The following CDH26 variants were observed in gnomAD, a reference collection of about 807,000 sequenced individuals.
CDH26 encodes cadherin-like protein 26.
CDH26 carries 83 observed loss-of-function variants against 90.3 expected under a neutral mutation model. That is an observed-to-expected ratio of 0.92 (90% CI 0.77 to 1.10). The LOEUF is 1.10. Among genes scored for constraint, CDH26 ranks in the 50% least tolerant of loss-of-function variants. The pLI, the probability that CDH26 is intolerant of heterozygous loss-of-function variation, is 0.00. For missense variants in CDH26, 1,013 were observed against 1,037.6 expected, an observed-to-expected ratio of 0.98 and a Z score of 0.33; for synonymous variants, 397 against 396.3, an observed-to-expected ratio of 1.00 and a Z score of -0.02.
At chr20:59,973,327 A>G (rs2061287557) in intron 4 of CDH26, among the ~76,000 whole-genome samples, 1 of 152,072 alleles carries the variant, frequency 6.6e-6, no homozygotes, top group South Asian at 2.1e-4. Context: ...GGAACCAAAC[A>G]TTCAGTGCTC....
chr20:60,026,913 CA>C (rs779366801), intron 7 of CDH26, among the ~76,000 whole-genome samples: 34 of 152,214 alleles, frequency 2.2e-4, no homozygotes, highest in Admixed American at 6.5e-4. Context: ...GTGCCTGGAA[CA>C]GTGTCTGGAA....
In CDH26 at chr20:59,986,816, A is replaced by C. The variant is rs74858014; in HGVS notation, c.838-637A>C. On this transcript the variant is annotated intron_variant, in intron 7 of 17. Transcript: ENST00000348616. ...TTAGAAAAAAAACCTGTATAAACCA[A>C]AGTGAAATGTTTGCAAACCAAAGCA... Among the ~76,000 whole-genome samples, 169 of 152,226 alleles carry C rather than the reference A, an allele frequency of 1.1e-3. 2 individuals are homozygous for C. The East Asian group carries it at 0.031, about 28-fold the overall frequency.
At chr20:59,978,988 T>C (rs2061358602) in intron 4 of CDH26, among the ~76,000 whole-genome samples, 1 of 152,166 alleles carries the variant, frequency 6.6e-6, no homozygotes, top group Admixed American at 6.5e-5. Context: ...TGATGTATAG[T>C]TCTAAGAGTT....
rs1409087109 is a variant in CDH26, at chr20:59,958,451, A to G, written c.-276A>G. 2.4e-6 allele frequency: 1 copy of G among 424,806 alleles called. No individual in the cohort carries two copies. The highest frequency in any genetic ancestry group is 2.0e-5 in the African/African-American group (1 of 49,098). The allele number at this position is 424,806 out of a possible 1,614,324, so 26.3% of individuals were successfully genotyped here. Reference sequence around the variant, plus strand: ...CAGTCTTTTGTGTACGTGCAGGACCATGGTGGCTTTAGTTTCTACCCCACC... The same window carrying G: ...CAGTCTTTTGTGTACGTGCAGGACCGTGGTGGCTTTAGTTTCTACCCCACC... On this transcript the variant is annotated 5_prime_UTR_variant, in exon 1 of 18. The change abolishes an upstream ATG in the 5' untranslated region. Coordinates refer to ENST00000348616, the MANE Select transcript of CDH26 (RefSeq NM_177980.4).
intron 7 of CDH26, among the ~76,000 whole-genome samples, chr20:59,986,627 AC>A (rs2061462252): frequency 7.1e-6 from 1 of 140,354 alleles, no homozygotes; most frequent in Non-Finnish European, 1.5e-5. Flanking sequence ...ACACACACAC[AC>A]ACACACACAC....
At position 60,012,861 on chromosome 20, in the gene CDH26, C is replaced by A; in HGVS notation, c.*131C>A. 1 of 766,562 alleles carries A rather than the reference C, an allele frequency of 1.3e-6. No individual in the cohort carries two copies. Among genetic ancestry groups the A allele is most frequent in the Non-Finnish European group, 2.0e-6 (1 of 488,386 alleles). 47.5% of individuals were successfully genotyped at this position (766,562 alleles called of 1,614,324 possible). The stretch of plus-strand genomic sequence containing the variant: ...CTTCTAGTCCTAGGATGAGGACACA[C>A]TATTAGTTTGAATTAAATGCTTTGA... On this transcript the variant is annotated 3_prime_UTR_variant, in exon 18 of 18. Transcript: ENST00000348616.
In CDH26 at chr20:60,028,707, A is replaced by G. The variant is rs145086556; in HGVS notation, c.948-2524A>G. Among the ~76,000 whole-genome samples the G allele has an allele frequency of 5.1e-3, 772 of 152,310 alleles. 4 individuals are homozygous for G. Among genetic ancestry groups the G allele is most frequent in the Middle Eastern group, 0.017 (5 of 294 alleles). ...ACATGGCAAGTGAGGTTGTGGAGAC[A>G]TCTGAACCCTGGTACACTGCTGATT... On this transcript the variant is annotated intron_variant, in intron 7 of 8. Coordinates refer to the CDH26 transcript ENST00000370991.
intron 1 of CDH26, among the ~76,000 whole-genome samples, chr20:59,967,876 T>TTCTTC (rs1569024266): frequency 1.8e-5 from 1 of 54,624 alleles, no homozygotes; most frequent in African/African-American, 1.0e-4. Context: ...TTTCTTTCTT[T>TTCTTC]CTTCCTTCCT....
At chr20:60,024,047 G>T (rs527401699) in intron 7 of CDH26, among the ~76,000 whole-genome samples, 2 of 152,146 alleles carry the variant, frequency 1.3e-5, no homozygotes. Flanking sequence ...CATTAAAAAC[G>T]TGTCTTCACA....
intron 7 of CDH26, among the ~76,000 whole-genome samples, chr20:60,020,926 A>C (rs6027243): frequency 0.89 from 135,848 of 152,158 alleles, 60,799 homozygotes; most frequent in Non-Finnish European, 0.91. Flanking sequence ...CTTTTTCCTG[A>C]AATGGAAAGT....
chr20:59,988,113 G>A (rs1316697277), intron 8 of CDH26, among the ~76,000 whole-genome samples: 1 of 152,186 alleles, frequency 6.6e-6, no homozygotes, highest in Non-Finnish European at 1.5e-5. Context: ...GCCTAATGGA[G>A]AAGCTGGCCT....
At position 60,012,562 on chromosome 20, in the gene CDH26, C is replaced by T. The variant is rs747314646; in HGVS notation, c.2331C>T (p.Pro777=). 23 of 1,613,884 alleles carry T rather than the reference C, an allele frequency of 1.4e-5. No individual in the cohort carries two copies. The highest frequency in any genetic ancestry group is 5.3e-5 in the African/African-American group (4 of 74,904). ...LHVANVLEDD[P]GYLPHVYSEE... ...TTGCCAATGTGCTGGAAGATGACCC[C>T]GGCTACCTACCTCACGTCTACAGCG... The change falls in exon 18 of 18, where the codon CCC becomes CCT. Residue 777 remains proline, a synonymous_variant. Transcript: ENST00000348616.
intron 17 of CDH26, among the ~76,000 whole-genome samples, chr20:60,011,752 T>C (rs2061846044): frequency 6.6e-6 from 1 of 151,964 alleles, no homozygotes; most frequent in African/African-American, 2.4e-5. Context: ...TTGGCGAGCA[T>C]TGAGGGAGGG....
chr20:59,990,391 T>G (rs1360749525), intron 9 of CDH26, among the ~76,000 whole-genome samples: 1 of 152,096 alleles, frequency 6.6e-6, no homozygotes, highest in African/African-American at 2.4e-5. Context: ...GTCATGCCCC[T>G]TCTCTCTCCA....
intron 13 of CDH26, 73 bp from the exon 14 acceptor site, chr20:59,999,513 C>T: frequency 7.7e-7 from 1 of 1,303,654 alleles, no homozygotes; most frequent in South Asian, 1.2e-5. Context: ...AAATGTCATT[C>T]CTTTCCTTCT....
At position 59,958,796 on chromosome 20, in the gene CDH26, G is replaced by T. The variant is rs369382469; in HGVS notation, c.69+1G>T. 1 of 1,613,350 alleles carries T rather than the reference G, an allele frequency of 6.2e-7. No individual in the cohort carries two copies. Among genetic ancestry groups the T allele is most frequent in the Middle Eastern group, 1.7e-4 (1 of 6,050 alleles). On this transcript the variant is annotated splice_donor_variant, in intron 1 of 17. Coordinates refer to ENST00000348616, the MANE Select transcript of CDH26 (RefSeq NM_177980.4). LOFTEE classifies it high-confidence loss of function. ...AGTGCTGCTGCTGTGGCTGCTGCAG[G>T]TAAGCTGAGCCTGCAGCCTAGTGCT...
intron 16 of CDH26, among the ~76,000 whole-genome samples, chr20:60,003,988 C>T (rs1024934034): frequency 3.3e-5 from 5 of 152,212 alleles, no homozygotes; most frequent in Admixed American, 3.3e-4. Flanking sequence ...GAGCCCCATG[C>T]TTGGTCAGTG....
chr20:59,984,123 C>A (rs1162318237), intron 5 of CDH26, among the ~76,000 whole-genome samples: 1 of 152,186 alleles, frequency 6.6e-6, no homozygotes, highest in African/African-American at 2.4e-5. Flanking sequence ...TGCTGACCTG[C>A]CCCCAGTCCA....
intron 9 of CDH26, among the ~76,000 whole-genome samples, chr20:59,991,867 C>A (rs1018073762): frequency 1.3e-5 from 2 of 152,104 alleles, no homozygotes; most frequent in African/African-American, 2.4e-5. Context: ...CTTGGCGTGG[C>A]CCACCCCTTA....
Sources: gnomAD v4.1 joint callset for allele counts (sites outside exome capture counted in the v4.1 genomes callset) on GRCh38, gnomAD v4.1.1 for gene constraint, MANE v1.5 for transcripts, NCBI Gene and HGNC (gene_info 2026-07-23, HGNC 2026-07-21) for gene names.